The following HECW2 variants were observed in gnomAD, a reference collection of about 807,000 sequenced individuals.
The protein encoded by HECW2 is HECT, C2 and WW domain containing E3 ubiquitin protein ligase 2, also known as E3 ubiquitin-protein ligase HECW2.
A neutral mutation model predicts 175.2 loss-of-function variants in HECW2; 61 were observed. The ratio of observed to expected loss-of-function variants is 0.35; its 90% CI spans 0.28 to 0.43. The LOEUF (loss-of-function observed/expected upper bound fraction) is 0.43. HECW2 is among the 20% of genes least tolerant of loss of function. The pLI, the probability that HECW2 is intolerant of heterozygous loss-of-function variation, is 1.00. For missense variants in HECW2, 1,524 were observed against 2,000.5 expected, an observed-to-expected ratio of 0.76 and a Z score of 4.54; for synonymous variants, 671 against 731.0, an observed-to-expected ratio of 0.92 and a Z score of 1.32.
intron 2 of HECW2, among the ~76,000 whole-genome samples, chr2:196,380,759 T>C (rs1317168759): frequency 1.3e-5 from 2 of 152,122 alleles, no homozygotes; most frequent in African/African-American, 4.8e-5. Context: ...ATGACTACCA[T>C]GGTTGCAGAG....
At chr2:196,491,481 T>C (rs544651612) in intron 1 of HECW2, among the ~76,000 whole-genome samples, 35 of 130,294 alleles carry the variant, frequency 2.7e-4, no homozygotes, top group Admixed American at 8.8e-4. Flanking sequence ...TGTATATATA[T>C]ATATACACAT....
intron 20 of HECW2, among the ~76,000 whole-genome samples, chr2:196,241,128 C>T (rs1327686412): frequency 1.3e-5 from 2 of 152,126 alleles, no homozygotes; most frequent in African/African-American, 4.8e-5. Context: ...ATGAGTGTGG[C>T]AGGTTAATCT....
At chr2:196,466,815 T>C (rs1483936888) in intron 1 of HECW2, among the ~76,000 whole-genome samples, 2 of 152,248 alleles carry the variant, frequency 1.3e-5, no homozygotes, top group Non-Finnish European at 2.9e-5. Context: ...TGGCAATACC[T>C]TGAAAAATCA....
chr2:196,429,099 T>C (rs895798707), intron 2 of HECW2, among the ~76,000 whole-genome samples: 7 of 152,226 alleles, frequency 4.6e-5, no homozygotes, highest in African/African-American at 1.7e-4. Context: ...AGACTCTTCA[T>C]GAAACTCTGG....
At chr2:196,592,730 C>T (rs1264668397) in intron 1 of HECW2, 1 of 152,142 alleles carries the variant, frequency 6.6e-6, no homozygotes, top group African/African-American at 2.4e-5. Context: ...AACAAAGCCA[C>T]CTCCCGCCGT....
At chr2:196,255,301 G>A (rs933571903) in intron 18 of HECW2, among the ~76,000 whole-genome samples, 2 of 151,496 alleles carry the variant, frequency 1.3e-5, no homozygotes, top group Admixed American at 6.6e-5. Context: ...TGATCTCTTT[G>A]TTTTACATGT....
intron 3 of HECW2, among the ~76,000 whole-genome samples, chr2:196,340,577 C>T (rs572848509): frequency 1.5e-3 from 173 of 116,068 alleles, no homozygotes; most frequent in African/African-American, 5.2e-3. Flanking sequence ...GCCTGGGAGA[C>T]GCAGCAAGAC....
intron 2 of HECW2, among the ~76,000 whole-genome samples, chr2:196,398,238 T>C (rs538734036): frequency 1.1e-4 from 16 of 152,158 alleles, no homozygotes; most frequent in African/African-American, 3.4e-4. Flanking sequence ...CATAATTTGA[T>C]CAGAAAGGTT....
At chr2:196,393,863 T>C (rs969966662) in intron 2 of HECW2, among the ~76,000 whole-genome samples, 1 of 152,216 alleles carries the variant, frequency 6.6e-6, no homozygotes, top group Admixed American at 6.5e-5. Context: ...CATATGTTTA[T>C]TGCGGCACTA....
chr2:196,590,022 T>C (rs1006732466), intron 1 of HECW2, among the ~76,000 whole-genome samples: 2 of 152,202 alleles, frequency 1.3e-5, no homozygotes, highest in Non-Finnish European at 2.9e-5. Flanking sequence ...TTTTCAGGTT[T>C]AAATTTTTCT....
intron 1 of HECW2, among the ~76,000 whole-genome samples, chr2:196,498,850 A>C (rs909789368): frequency 2.1e-4 from 32 of 152,302 alleles, no homozygotes; most frequent in African/African-American, 7.7e-4. Flanking sequence ...AAACATCCCT[A>C]CTGTAAAATC....
At chr2:196,458,812 G>A (rs777028183) in intron 1 of HECW2, among the ~76,000 whole-genome samples, 10 of 152,196 alleles carry the variant, frequency 6.6e-5, no homozygotes, top group Non-Finnish European at 1.3e-4. Context: ...GTTGCAGTGA[G>A]CCGAGATTGC....
intron 2 of HECW2, among the ~76,000 whole-genome samples, chr2:196,368,313 C>T (rs183788107): frequency 1.3e-3 from 195 of 152,300 alleles, no homozygotes; most frequent in African/African-American, 4.1e-3. Flanking sequence ...AAGATGATAT[C>T]TCATTGCAGT....
At chr2:196,574,569 T>C (rs1392142964) in intron 1 of HECW2, among the ~76,000 whole-genome samples, 3 of 152,150 alleles carry the variant, frequency 2.0e-5, no homozygotes, top group Non-Finnish European at 4.4e-5. Context: ...TGTTCATGGA[T>C]TGGAAGAATT....
chr2:196,361,512 C>A (rs1023419703), intron 2 of HECW2, among the ~76,000 whole-genome samples: 3 of 152,110 alleles, frequency 2.0e-5, no homozygotes, highest in African/African-American at 7.2e-5. Flanking sequence ...GTAGGTAGAA[C>A]CTGTACTTAA....
At chr2:196,493,503 T>C (rs1687274334) in intron 1 of HECW2, 1 of 152,222 alleles carries the variant, frequency 6.6e-6, no homozygotes, top group Non-Finnish European at 1.5e-5. Flanking sequence ...TTAGATATTA[T>C]CCATCTCTTT....
intron 6 of HECW2, among the ~76,000 whole-genome samples, chr2:196,324,232 A>T (rs1692065246): frequency 6.6e-6 from 1 of 152,212 alleles, no homozygotes; most frequent in African/African-American, 2.4e-5. Context: ...TATGTAAAAC[A>T]TGCCTCAGAT....
At chr2:196,453,070 C>T (rs1044146495) in intron 1 of HECW2, among the ~76,000 whole-genome samples, 4 of 152,124 alleles carry the variant, frequency 2.6e-5, no homozygotes, top group Non-Finnish European at 4.4e-5. Flanking sequence ...GTTTAGGCAA[C>T]TCAGCAAGAC....
chr2:196,362,064 A>G (rs1435746133), intron 2 of HECW2: 5 of 985,278 alleles, frequency 5.1e-6, no homozygotes, highest in Middle Eastern at 5.2e-4. Context: ...TAGAAATGAA[A>G]TACTAGACAG....
Sources: gnomAD v4.1 joint callset for allele counts (sites outside exome capture counted in the v4.1 genomes callset) on GRCh38, gnomAD v4.1.1 for gene constraint, MANE v1.5 for transcripts, NCBI Gene and HGNC (gene_info 2026-07-23, HGNC 2026-07-21) for gene names.